Variants in PCDHGB5 observed in about 807,000 individuals in gnomAD.
PCDHGB5 encodes protocadherin gamma subfamily B, 5, also known as protocadherin gamma-B5.
In PCDHGB5, 48 loss-of-function variants were observed where a neutral mutation model predicts 62.9. The observed-to-expected ratio is 0.76, with a 90% CI of 0.61 to 0.97. The LOEUF (loss-of-function observed/expected upper bound fraction) is 0.97. Ranked by LOEUF, PCDHGB5 falls within the 50% of genes least tolerant of loss-of-function variation. The probability of loss-of-function intolerance (pLI) is 0.00; values close to 1 mark genes in which losing one functional copy is unlikely to be tolerated. For synonymous variants in PCDHGB5, 474 were observed against 511.2 expected, an observed-to-expected ratio of 0.93 and a Z score of 0.98; for missense variants, 1,118 against 1,198.6, an observed-to-expected ratio of 0.93 and a Z score of 0.99.
rs551289441 is a variant in PCDHGB5, at chr5:141,444,102, C to T, written c.2397+43578C>T. ...TGAAAAGTCTGCTAAGGATTGGAAACCAAGAAAAGTGAAGTATCTCAACAG... is the reference window on the plus strand; with the variant it reads ...TGAAAAGTCTGCTAAGGATTGGAAATCAAGAAAAGTGAAGTATCTCAACAG... On this transcript the variant is annotated intron_variant, in intron 1 of 3. Coordinates refer to ENST00000617380, the MANE Select transcript of PCDHGB5 (RefSeq NM_018925.3). Among the ~76,000 whole-genome samples the T allele has an allele frequency of 1.5e-3, 216 of 144,128 alleles. 1 individual carries two copies. Among genetic ancestry groups the T allele is most frequent in the African/African-American group, 5.4e-3 (211 of 38,798 alleles). 94.6% of individuals were successfully genotyped at this position (144,128 alleles called of 152,430 possible).
Position 141,476,214 on chromosome 5 carries a change from T to C in PCDHGB5, c.2398-18593T>C, listed in dbSNP as rs768153063. 1 of 1,613,974 alleles carries C rather than the reference T, an allele frequency of 6.2e-7. No homozygotes were observed. Among genetic ancestry groups the C allele is most frequent in the African/African-American group, 1.3e-5 (1 of 74,990 alleles). ...GCCTTGAACAAGGCTTCCACGGTCA[T>C]TCACTATGAGATCCCGGAGGAAAGA... On this transcript the variant is annotated intron_variant, in intron 1 of 3. Coordinates refer to ENST00000617380, the MANE Select transcript of PCDHGB5 (RefSeq NM_018925.3). The surrounding 1 kb of genome is among the most constrained non-coding windows in gnomAD (Gnocchi z 7.6).
chr5:141,466,203 C>G (rs1291051063), intron 1 of PCDHGB5, among the ~76,000 whole-genome samples: 1 of 151,914 alleles, frequency 6.6e-6, no homozygotes, highest in Non-Finnish European at 1.5e-5. Context: ...CACAGCCTTG[C>G]TCTGTTACCC....
Position 141,487,687 on chromosome 5 carries a change from A to G in PCDHGB5, c.2398-7120A>G, listed in dbSNP as rs750431854. ...CAGGCATATGGCTAGGCCATGTCCTAGAGAGTACTGGCCTCTCAGTAAGTG... is the reference window on the plus strand; with the variant it reads ...CAGGCATATGGCTAGGCCATGTCCTGGAGAGTACTGGCCTCTCAGTAAGTG... On this transcript the variant is annotated intron_variant, in intron 1 of 3. Transcript: ENST00000617380. This position sits in a 1 kb window ranked among gnomAD's most constrained non-coding sequence, Gnocchi z 5.0. The G allele has an allele frequency of 1.9e-6, 3 of 1,606,256 alleles. No individual in the cohort carries two copies. The highest frequency in any genetic ancestry group is 3.4e-5 in the Admixed American group (2 of 58,832).
At position 141,403,421 on chromosome 5, in the gene PCDHGB5, G is replaced by A. The variant is rs773369451; in HGVS notation, c.2397+2897G>A. ...TGGAGCACGTTATCCACTTCCAGAA[G>A]CTATTGATCCGGATGTTGGCGTGAA... On this transcript the variant is annotated intron_variant, in intron 1 of 3. Coordinates refer to ENST00000617380, the MANE Select transcript of PCDHGB5 (RefSeq NM_018925.3). 11 of 1,614,038 alleles carry A rather than the reference G, an allele frequency of 6.8e-6. No individual in the cohort carries two copies. In the East Asian group the frequency reaches 2.5e-4, roughly 36 times the overall value.
intron 1 of PCDHGB5, chr5:141,413,943 T>A: frequency 1.2e-6 from 2 of 1,613,420 alleles, no homozygotes; most frequent in Non-Finnish European, 1.7e-6. Context: ...TGAGTGTTCC[T>A]GAGAATTTGC....
intron 1 of PCDHGB5, among the ~76,000 whole-genome samples, chr5:141,467,680 T>A (rs75237059): frequency 6.6e-6 from 1 of 152,138 alleles, no homozygotes; most frequent in Non-Finnish European, 1.5e-5. Flanking sequence ...TTATTTTTTT[T>A]AGACAGGGTC....
At chr5:141,411,250 T>C (rs1009574489) in intron 1 of PCDHGB5, 1 of 152,156 alleles carries the variant, frequency 6.6e-6, no homozygotes, top group African/African-American at 2.4e-5. Context: ...ATTTACGATA[T>C]CTTATTTATA....
intron 1 of PCDHGB5, chr5:141,478,670 C>G: frequency 6.4e-7 from 1 of 1,551,664 alleles, no homozygotes; most frequent in East Asian, 2.4e-5. Flanking sequence ...TTCACACTTT[C>G]AACTGGCCCT....
At position 141,493,061 on chromosome 5, in the gene PCDHGB5, C is replaced by G. The variant is rs1386090478; in HGVS notation, c.2398-1746C>G. On this transcript the variant is annotated intron_variant, in intron 1 of 3. Transcript: ENST00000617380. The surrounding 1 kb of genome is among the most constrained non-coding windows in gnomAD (Gnocchi z 4.3). The stretch of plus-strand genomic sequence containing the variant: ...GAGGAAACTACAATAGTAAAAAACA[C>G]AAGTTTCTCCAACTCCAGGAGCTTT... Among the ~76,000 whole-genome samples the G allele has an allele frequency of 6.6e-6, 1 of 152,228 alleles. No individual in the cohort carries two copies. Among genetic ancestry groups the G allele is most frequent in the African/African-American group, 2.4e-5 (1 of 41,446 alleles).
chr5:141,432,235 T>C lies in PCDHGB5; in HGVS notation c.2397+31711T>C, dbSNP rs1240828849. 1 of 1,614,102 alleles carries C rather than the reference T, an allele frequency of 6.2e-7. No individual in the cohort carries two copies. The highest frequency in any genetic ancestry group is 8.5e-7 in the Non-Finnish European group (1 of 1,180,050). ...ACGCCCAGATCACTTATTCCCTGGC[T>C]GAGAACACCATCCAAGGGGCAAGCC... On this transcript the variant is annotated intron_variant, in intron 1 of 3. Transcript: ENST00000617380. The surrounding 1 kb of genome is among the most constrained non-coding windows in gnomAD (Gnocchi z 6.0).
Position 141,427,970 on chromosome 5 carries a change from C to A in PCDHGB5, c.2397+27446C>A, listed in dbSNP as rs760792774. On this transcript the variant is annotated intron_variant, in intron 1 of 3. Coordinates refer to ENST00000617380, the MANE Select transcript of PCDHGB5 (RefSeq NM_018925.3). ...ATGACAATGTGCCGCGGGTGCTGTA[C>A]CCCGCGCTGGGGCCCGATGGCTCCG... 1.9e-6 allele frequency: 3 copies of A among 1,592,510 alleles called. No individual in the cohort carries two copies. The Admixed American group carries it at 5.0e-5, about 27-fold the overall frequency.
In PCDHGB5 at chr5:141,410,110, C is replaced by G. The variant is rs1361292941; in HGVS notation, c.2397+9586C>G. The G allele has an allele frequency of 6.8e-6, 11 of 1,612,422 alleles. No homozygotes were observed. In the African/African-American group the frequency reaches 1.3e-4, roughly 20 times the overall value. ...CGGCTCGAGCCTTAGGCGACAGGGA[C>G]GCAGCCCGCCAGCGCCTGCTGGTCG... is the stretch of plus-strand genomic sequence containing the variant. On this transcript the variant is annotated intron_variant, in intron 1 of 3. Coordinates refer to ENST00000617380, the MANE Select transcript of PCDHGB5 (RefSeq NM_018925.3).
At position 141,431,738 on chromosome 5, in the gene PCDHGB5, TA is replaced by T; in HGVS notation, c.2397+31215del. ...AGTGCAAGCAATGGATAATGCAGGA[TA>T]TTCTGCGCGAGCCAAAGTCCTGATC... On this transcript the variant is annotated intron_variant, in intron 1 of 3. Coordinates refer to ENST00000617380, the MANE Select transcript of PCDHGB5 (RefSeq NM_018925.3). The surrounding 1 kb of genome is among the most constrained non-coding windows in gnomAD (Gnocchi z 4.8). The T allele has an allele frequency of 6.2e-7, 1 of 1,614,234 alleles. No individual in the cohort carries two copies. Among genetic ancestry groups the T allele is most frequent in the South Asian group, 1.1e-5 (1 of 91,092 alleles).
intron 1 of PCDHGB5, among the ~76,000 whole-genome samples, chr5:141,459,831 G>T (rs907978430): frequency 1.3e-5 from 2 of 152,150 alleles, no homozygotes; most frequent in Non-Finnish European, 2.9e-5. Context: ...CTTTTCATGT[G>T]TTGTCTATTT....
chr5:141,422,410 T>C, intron 1 of PCDHGB5: 1 of 1,601,816 alleles, frequency 6.2e-7, no homozygotes, highest in Non-Finnish European at 8.5e-7. Context: ...GCCTTTTAAA[T>C]TAGAAAAGAC....
intron 1 of PCDHGB5, chr5:141,402,950 G>A (rs992704558): frequency 2.5e-6 from 4 of 1,596,662 alleles, no homozygotes; most frequent in Non-Finnish European, 3.4e-6. Flanking sequence ...AAGCGAGGCA[G>A]CAATGGCAGC....
Position 141,432,151 on chromosome 5 carries a change from C to T in PCDHGB5, c.2397+31627C>T. 2 of 1,614,122 alleles carry T rather than the reference C, an allele frequency of 1.2e-6. No homozygotes were observed. The highest frequency in any genetic ancestry group is 2.2e-5 in the South Asian group (2 of 91,066). ...CCTATTCCGCTTATATCCCAGAGAA[C>T]AATCCCAGAGGAGTTTCCCTCGTCT... On this transcript the variant is annotated intron_variant, in intron 1 of 3. Transcript: ENST00000617380. The surrounding 1 kb of genome is among the most constrained non-coding windows in gnomAD (Gnocchi z 6.0).
chr5:141,407,139 A>G lies in PCDHGB5; in HGVS notation c.2397+6615A>G, dbSNP rs190510544. Among the ~76,000 whole-genome samples, 1,517 of 152,332 alleles carry G rather than the reference A, an allele frequency of 1.0e-2. 33 individuals carry two copies. The highest frequency in any genetic ancestry group is 0.034 in the African/African-American group (1,425 of 41,568). On this transcript the variant is annotated intron_variant, in intron 1 of 3. Coordinates refer to ENST00000617380, the MANE Select transcript of PCDHGB5 (RefSeq NM_018925.3). ...TTTCAGTTGCTTTATTTTTAAGAAA[A>G]AAAAGCTGAAGTGTCTGGGAATCCT...
chr5:141,422,587 CCTCA>C, intron 1 of PCDHGB5: 1 of 1,614,032 alleles, frequency 6.2e-7, no homozygotes, highest in Non-Finnish European at 8.5e-7. Context: ...TCCCGTTTTT[CCTCA>C]CTCCTCTTAC....
Sources: allele counts gnomAD v4.1 joint callset (sites outside exome capture counted in the v4.1 genomes callset), GRCh38; gene constraint gnomAD v4.1.1; non-coding constraint Gnocchi (gnomAD v3.1); transcripts MANE v1.5; gene names NCBI Gene and HGNC (gene_info 2026-07-23, HGNC 2026-07-21).